FSIP1: variants seen among roughly 807,000 people sequenced by gnomAD.
FSIP1 encodes the protein fibrous sheath interacting protein 1, also known as fibrous sheath-interacting protein 1.
Under a neutral mutation model 60.9 loss-of-function variants are expected in FSIP1, and 65 were observed. That is an observed-to-expected ratio of 1.07 (90% CI 0.87 to 1.31). The LOEUF is 1.31. Ranked by LOEUF, FSIP1 falls within the 40% of genes most tolerant of loss-of-function variation. FSIP1 has a pLI of 0.00. For synonymous variants in FSIP1, 209 were observed against 221.2 expected (o/e 0.94, Z 0.49); for missense variants, 675 against 665.5 (o/e 1.01, Z -0.16).
At chr15:39,735,492 T>G (rs1246788764) in intron 8 of FSIP1, among the ~76,000 whole-genome samples, 3 of 152,204 alleles carry the variant, frequency 2.0e-5, no homozygotes, top group Admixed American at 2.0e-4. Context: ...CACTTAACCA[T>G]GAGTGGAGCT....
chr15:39,689,673 G>A (rs1894518003), intron 10 of FSIP1, among the ~76,000 whole-genome samples: 2 of 152,082 alleles, frequency 1.3e-5, no homozygotes, highest in Admixed American at 1.3e-4. Context: ...CCAGGAACTG[G>A]GGACAAAGAC....
intron 10 of FSIP1, among the ~76,000 whole-genome samples, chr15:39,642,951 A>G (rs1253048088): frequency 6.6e-6 from 1 of 152,230 alleles, no homozygotes; most frequent in Non-Finnish European, 1.5e-5. Context: ...AAATTCCTCT[A>G]ATGGAGACAG....
chr15:39,680,990 T>C (rs1894137372), intron 10 of FSIP1, among the ~76,000 whole-genome samples: 1 of 152,206 alleles, frequency 6.6e-6, no homozygotes, highest in South Asian at 2.1e-4. Context: ...GGTCAGGCTG[T>C]GAGCCACAGC....
chr15:39,778,187 T>A (rs898622126), intron 1 of FSIP1, among the ~76,000 whole-genome samples: 1 of 152,162 alleles, frequency 6.6e-6, no homozygotes, highest in Non-Finnish European at 1.5e-5. Flanking sequence ...CCAAAAAGCA[T>A]AAGTCACCAA....
intron 10 of FSIP1, among the ~76,000 whole-genome samples, chr15:39,668,838 C>T (rs780261175): frequency 3.2e-4 from 48 of 152,108 alleles, no homozygotes; most frequent in Admixed American, 1.7e-3. Context: ...ATAATAAATA[C>T]GTCCACTGCA....
Position 39,723,699 on chromosome 15 carries a change from T to A in FSIP1, c.1050+2890A>T, listed in dbSNP as rs1896075106. The stretch of plus-strand genomic sequence containing the variant: ...TTTCTTAAGGAGTATGGAGAAAAAT[T>A]ACTGGTGAGTTAATGGTTTGCAGAA... On this transcript the variant is annotated intron_variant, in intron 9 of 11. Transcript: ENST00000350221. Among the ~76,000 whole-genome samples, 3 of 152,264 alleles carry A rather than the reference T, an allele frequency of 2.0e-5. No individual in the cohort carries two copies. In the South Asian group the frequency reaches 6.2e-4, roughly 31 times the overall value.
intron 5 of FSIP1, among the ~76,000 whole-genome samples, chr15:39,750,747 A>C (rs1241007978): frequency 6.6e-6 from 1 of 151,826 alleles, no homozygotes. Flanking sequence ...CTTGGGTATC[A>C]CACCAAAAGT....
chr15:39,689,520 A>T (rs1894513160), intron 10 of FSIP1, among the ~76,000 whole-genome samples: 1 of 152,032 alleles, frequency 6.6e-6, no homozygotes, highest in African/African-American at 2.4e-5. Context: ...TTAGCAAACA[A>T]GACACTCTTT....
chr15:39,668,922 T>C (rs909257441), intron 10 of FSIP1, among the ~76,000 whole-genome samples: 2 of 152,194 alleles, frequency 1.3e-5, no homozygotes, highest in African/African-American at 4.8e-5. Flanking sequence ...GAATTAACCA[T>C]AAGATCTTAA....
At chr15:39,659,856 T>C (rs1893229453) in intron 10 of FSIP1, among the ~76,000 whole-genome samples, 1 of 152,286 alleles carries the variant, frequency 6.6e-6, no homozygotes, top group South Asian at 2.1e-4. Context: ...ATGTAGAAAA[T>C]TCAGTGTCAT....
intron 11 of FSIP1, among the ~76,000 whole-genome samples, chr15:39,601,792 C>A (rs1259864736): frequency 1.3e-5 from 2 of 152,176 alleles, no homozygotes; most frequent in African/African-American, 4.8e-5. Context: ...AAGCCAGTCA[C>A]AAAAGGCCAT....
At chr15:39,645,370 G>A (rs1892549689) in intron 10 of FSIP1, among the ~76,000 whole-genome samples, 1 of 151,058 alleles carries the variant, frequency 6.6e-6, no homozygotes, top group Non-Finnish European at 1.5e-5. Context: ...AGAGAGCTAC[G>A]TGCCTCTGCA....
At chr15:39,705,100 T>C (rs1169037001) in intron 10 of FSIP1, among the ~76,000 whole-genome samples, 1 of 152,204 alleles carries the variant, frequency 6.6e-6, no homozygotes, top group Non-Finnish European at 1.5e-5. Flanking sequence ...GCATTTGGAA[T>C]GACTAGAACC....
intron 10 of FSIP1, among the ~76,000 whole-genome samples, chr15:39,681,242 C>A (rs1196086130): frequency 6.6e-6 from 1 of 152,154 alleles, no homozygotes; most frequent in Non-Finnish European, 1.5e-5. Context: ...AACTTAAAGT[C>A]ATGCCATAAA....
At chr15:39,767,003 C>T (rs1402682013) in intron 3 of FSIP1, among the ~76,000 whole-genome samples, 1 of 152,088 alleles carries the variant, frequency 6.6e-6, no homozygotes, top group Non-Finnish European at 1.5e-5. Context: ...TGTCACCATA[C>T]CTGGATAATT....
chr15:39,705,895 G>A (rs1566893729), intron 10 of FSIP1, among the ~76,000 whole-genome samples: 1 of 151,522 alleles, frequency 6.6e-6, no homozygotes, highest in Non-Finnish European at 1.5e-5. Context: ...CTACTCAGGA[G>A]GCTAAGGAAG....
intron 5 of FSIP1, among the ~76,000 whole-genome samples, chr15:39,762,952 C>T (rs1897553785): frequency 6.6e-6 from 1 of 152,094 alleles, no homozygotes; most frequent in African/African-American, 2.4e-5. Context: ...GGAAAGGTTA[C>T]AAAATACCAT....
At chr15:39,658,547 G>C (rs927748490) in intron 10 of FSIP1, among the ~76,000 whole-genome samples, 4 of 152,116 alleles carry the variant, frequency 2.6e-5, no homozygotes, top group African/African-American at 9.7e-5. Flanking sequence ...ACCGCAACTG[G>C]CCTAAACAGA....
At chr15:39,654,701 G>T (rs1893005557) in intron 10 of FSIP1, among the ~76,000 whole-genome samples, 1 of 152,168 alleles carries the variant, frequency 6.6e-6, no homozygotes, top group Non-Finnish European at 1.5e-5. Context: ...CTACTGGCTG[G>T]CTGGAGCTAG....
Sources: allele counts gnomAD v4.1 joint callset (sites outside exome capture counted in the v4.1 genomes callset), GRCh38; gene constraint gnomAD v4.1.1; transcripts MANE v1.5; gene names NCBI Gene and HGNC (gene_info 2026-07-23, HGNC 2026-07-21).